The following KIF6 variants were observed in gnomAD, a reference collection of about 807,000 sequenced individuals.
KIF6 encodes kinesin-like protein KIF6.
KIF6 carries 106 observed loss-of-function variants against 112.7 expected under a neutral mutation model. That is an observed-to-expected ratio of 0.94 (90% CI 0.80 to 1.11). The LOEUF (loss-of-function observed/expected upper bound fraction) is 1.11, where lower values mean the gene tolerates loss of function less well. KIF6 is among the 50% of genes least tolerant of loss of function. The probability of loss-of-function intolerance (pLI) is 0.00; values close to 1 mark genes in which losing one functional copy is unlikely to be tolerated. For missense variants in KIF6, 929 were observed against 964.0 expected (o/e 0.96, Z 0.48); for synonymous variants, 339 against 339.9 (o/e 1.00, Z 0.03).
chr6:39,588,990 G>A (rs933083058), intron 7 of KIF6, among the ~76,000 whole-genome samples: 12 of 152,166 alleles, frequency 7.9e-5, no homozygotes, highest in Non-Finnish European at 1.3e-4. Flanking sequence ...GTTATGCCAA[G>A]TTGCTCCCTA....
chr6:39,639,777 C>T lies in KIF6; in HGVS notation c.252-20G>A. On this transcript the variant is annotated intron_variant, in intron 3 of 22. Transcript: ENST00000287152. ...AGGACACTGCAATAAAGAAATGACA[C>T]ACTTTCAATATCAACATGGCTAACT... 1 of 1,602,202 alleles carries T rather than the reference C, an allele frequency of 6.2e-7. No homozygotes were observed.
chr6:39,536,754 C>T (rs1264329595), intron 13 of KIF6, among the ~76,000 whole-genome samples: 1 of 152,048 alleles, frequency 6.6e-6, no homozygotes, highest in Non-Finnish European at 1.5e-5. Flanking sequence ...CGGGCAGAGA[C>T]ACAACCAAAA....
intron 19 of KIF6, among the ~76,000 whole-genome samples, chr6:39,352,680 T>C: frequency 6.6e-6 from 1 of 151,472 alleles, no homozygotes; most frequent in South Asian, 2.1e-4. Flanking sequence ...CTCGGCTCAC[T>C]GCAACCTCTG....
At chr6:39,610,314 T>G (rs1358014934) in intron 6 of KIF6, among the ~76,000 whole-genome samples, 1 of 152,206 alleles carries the variant, frequency 6.6e-6, no homozygotes, top group Non-Finnish European at 1.5e-5. Context: ...GAGTTCTGAA[T>G]AAATAAGAAG....
At chr6:39,461,804 T>A (rs890149974) in intron 13 of KIF6, among the ~76,000 whole-genome samples, 20 of 152,124 alleles carry the variant, frequency 1.3e-4, no homozygotes, top group Non-Finnish European at 2.8e-4. Flanking sequence ...TTTGTATCTG[T>A]ATTGACAAAA....
At chr6:39,413,458 G>C (rs1314865598) in intron 15 of KIF6, among the ~76,000 whole-genome samples, 1 of 152,100 alleles carries the variant, frequency 6.6e-6, no homozygotes, top group Non-Finnish European at 1.5e-5. Context: ...CTGAGGAGTG[G>C]GGACATGATC....
intron 15 of KIF6, among the ~76,000 whole-genome samples, chr6:39,388,168 C>T (rs957232030): frequency 6.6e-6 from 1 of 152,212 alleles, no homozygotes. Flanking sequence ...TTCCTCAAGT[C>T]TGTGCCTCCA....
chr6:39,492,212 G>A (rs1324662483), intron 13 of KIF6, among the ~76,000 whole-genome samples: 11 of 152,176 alleles, frequency 7.2e-5, no homozygotes, highest in African/African-American at 2.4e-4. Context: ...GGCTTCTAAC[G>A]ACTTTAAGGG....
chr6:39,613,963 A>T (rs1017610667), intron 5 of KIF6, among the ~76,000 whole-genome samples: 1 of 152,056 alleles, frequency 6.6e-6, no homozygotes, highest in Non-Finnish European at 1.5e-5. Flanking sequence ...CTTCCATTAC[A>T]TCCTTTTAGT....
Position 39,331,079 on chromosome 6 carries a change from C to A in KIF6, c.*5453G>T. The A allele has an allele frequency of 6.5e-6, 1 of 152,760 alleles. No individual in the cohort carries two copies. 9.5% of individuals were successfully genotyped at this position (152,760 alleles called of 1,614,324 possible). On this transcript the variant is annotated 3_prime_UTR_variant, in exon 23 of 23. Transcript: ENST00000287152. Reference sequence around the variant, plus strand: ...CCTGCCATCATTGTCCTAAGCTTCCCTTCCCTGCTTCTCTCTTTGCACCTT... The same window carrying A: ...CCTGCCATCATTGTCCTAAGCTTCCATTCCCTGCTTCTCTCTTTGCACCTT...
At chr6:39,642,947 G>T (rs1253855271) in intron 3 of KIF6, among the ~76,000 whole-genome samples, 1 of 152,116 alleles carries the variant, frequency 6.6e-6, no homozygotes, top group Non-Finnish European at 1.5e-5. Flanking sequence ...ACCCTTGTAT[G>T]TAGGCTGGGA....
chr6:39,469,545 A>AT (rs1773998197), intron 13 of KIF6, among the ~76,000 whole-genome samples: 1 of 152,158 alleles, frequency 6.6e-6, no homozygotes, highest in East Asian at 1.9e-4. Flanking sequence ...ACAAAAAAAA[A>AT]TGTTACTAGA....
At chr6:39,524,543 T>A (rs1777595422) in intron 13 of KIF6, among the ~76,000 whole-genome samples, 1 of 152,176 alleles carries the variant, frequency 6.6e-6, no homozygotes, top group Admixed American at 6.5e-5. Context: ...GTCAAGCCTA[T>A]CTGGGGATTT....
intron 7 of KIF6, among the ~76,000 whole-genome samples, chr6:39,590,608 T>C (rs112699040): frequency 0.022 from 3,271 of 151,802 alleles, 58 homozygotes; most frequent in Non-Finnish European, 0.032. Context: ...TGCAGCACCA[T>C]GCCCAACTAA....
Position 39,360,404 on chromosome 6 carries a change from G to A in KIF6, c.2073C>T (p.Thr691=), listed in dbSNP as rs1765037364. Residue 691 remains threonine, a synonymous_variant, in exon 18 of 23, where the codon ACC becomes ACT. Coordinates refer to ENST00000287152, the MANE Select transcript of KIF6 (RefSeq NM_145027.6). ...GTTCCCCAGGCCATACCTGCAGGTT[G>A]GTGGCCTCCTCTGCCCACCAGACTT... ...EFEVWWAEEA[T]NLQVNSPAVN... 2 of 1,614,038 alleles carry A rather than the reference G, an allele frequency of 1.2e-6. No homozygotes were observed. Among genetic ancestry groups the A allele is most frequent in the African/African-American group, 2.7e-5 (2 of 74,938 alleles).
chr6:39,699,945 T>C (rs1788778442), intron 3 of KIF6, among the ~76,000 whole-genome samples: 1 of 152,234 alleles, frequency 6.6e-6, no homozygotes, highest in Non-Finnish European at 1.5e-5. Context: ...GAAAGCAATG[T>C]CAATTATTTT....
At chr6:39,593,296 A>G (rs1365892916) in intron 7 of KIF6, among the ~76,000 whole-genome samples, 2 of 152,204 alleles carry the variant, frequency 1.3e-5, no homozygotes, top group African/African-American at 2.4e-5. Context: ...TTGATTAACA[A>G]AAGTCCTTGA....
intron 15 of KIF6, among the ~76,000 whole-genome samples, chr6:39,410,720 T>C (rs1282142252): frequency 1.3e-5 from 2 of 152,196 alleles, no homozygotes; most frequent in African/African-American, 4.8e-5. Flanking sequence ...GTGAGTTGCT[T>C]CTTTGAGAAC....
At chr6:39,583,179 G>T in intron 9 of KIF6, 2 of 272,258 alleles carry the variant, frequency 7.3e-6, no homozygotes, top group South Asian at 3.8e-5. Flanking sequence ...ACCCTCCAAT[G>T]TCTAATATGT....
Sources: allele counts gnomAD v4.1 joint callset (sites outside exome capture counted in the v4.1 genomes callset), GRCh38; gene constraint gnomAD v4.1.1; transcripts MANE v1.5; gene names NCBI Gene and HGNC (gene_info 2026-07-23, HGNC 2026-07-21).